The following PCDHGB7 variants were observed in gnomAD, a reference collection of about 807,000 sequenced individuals.
PCDHGB7 encodes the protein protocadherin gamma subfamily B, 7, also known as protocadherin gamma-B7.
PCDHGB7 carries 37 observed loss-of-function variants against 61.4 expected under a neutral mutation model. The observed-to-expected ratio is 0.60, with a 90% CI of 0.46 to 0.79. PCDHGB7 has a LOEUF of 0.79. Among genes scored for constraint, PCDHGB7 ranks in the 30% least tolerant of loss-of-function variants. The probability of loss-of-function intolerance (pLI) is 0.00; values close to 1 mark genes in which losing one functional copy is unlikely to be tolerated. For synonymous variants in PCDHGB7, 464 were observed against 503.5 expected (o/e 0.92, Z 1.05); for missense variants, 1,166 against 1,202.5 (o/e 0.97, Z 0.45).
rs1561857042 is a variant in PCDHGB7, at chr5:141,432,038, C to CG, written c.2415+11768dup. 3 of 1,614,190 alleles carry CG rather than the reference C, an allele frequency of 1.9e-6. No individual in the cohort carries two copies. The highest frequency in any genetic ancestry group is 2.5e-6 in the Non-Finnish European group (3 of 1,180,032). Reference sequence around the variant, plus strand: ...CAACATCACAGTGACCGCCACTGACCGGGGAACCCCGCCCCTATCCACGGA... The same window carrying CG: ...CAACATCACAGTGACCGCCACTGACCGGGGGAACCCCGCCCCTATCCACGGA... On this transcript the variant is annotated intron_variant, in intron 1 of 3. Transcript: ENST00000398594. The surrounding 1 kb of genome is among the most constrained non-coding windows in gnomAD (Gnocchi z 6.0).
intron 1 of PCDHGB7, chr5:141,422,327 T>C (rs1561800795): frequency 1.3e-6 from 2 of 1,548,652 alleles, no homozygotes; most frequent in African/African-American, 2.8e-5. Context: ...GGTACAGTGA[T>C]TGCTCTTCTA....
chr5:141,421,388 G>A (rs369403750), intron 1 of PCDHGB7: 1 of 1,613,934 alleles, frequency 6.2e-7, no homozygotes, highest in Non-Finnish European at 8.5e-7. Context: ...AAGGACCTGG[G>A]GCTGGAGCCC....
intron 1 of PCDHGB7, among the ~76,000 whole-genome samples, chr5:141,445,793 CAG>C (rs1466260011): frequency 6.6e-6 from 1 of 152,132 alleles, no homozygotes; most frequent in Admixed American, 6.5e-5. Context: ...AGGCTAGAAA[CAG>C]AAAATAAATA....
chr5:141,430,615 A>G, intron 1 of PCDHGB7: 1 of 686,990 alleles, frequency 1.5e-6, no homozygotes, highest in Non-Finnish European at 2.2e-6. Context: ...CAAAGCAGAT[A>G]GCTAGGAATG....
In PCDHGB7 at chr5:141,487,774, C is replaced by T. The variant is rs1272776899; in HGVS notation, c.2416-7033C>T. 2.0e-6 allele frequency: 3 copies of T among 1,534,064 alleles called. 1 individual carries two copies. The highest frequency in any genetic ancestry group is 2.6e-6 in the Non-Finnish European group (3 of 1,135,588). On this transcript the variant is annotated intron_variant, in intron 1 of 3. Transcript: ENST00000398594. The surrounding 1 kb of genome is among the most constrained non-coding windows in gnomAD (Gnocchi z 5.0). Reference sequence around the variant, plus strand: ...ATGTGGTAGACGCTGTGCTTTGTAACTGTTTCGTGAATTAACCAGAGTTGT... The same window carrying T: ...ATGTGGTAGACGCTGTGCTTTGTAATTGTTTCGTGAATTAACCAGAGTTGT...
chr5:141,472,268 A>G (rs399559), intron 1 of PCDHGB7, among the ~76,000 whole-genome samples: 152,324 of 152,332 alleles, frequency 1, 76,158 homozygotes, highest in Middle Eastern at 1. Flanking sequence ...ATAGCCGGGC[A>G]CAGTGGCTCA....
rs772962568 is a variant in PCDHGB7, at chr5:141,476,311, G to A, written c.2416-18496G>A. The stretch of plus-strand genomic sequence containing the variant: ...ATCTCGGTAGCCTCTCAGCCCGCAG[G>A]TTCCGGGTGGTGTCTGGAGCTAGCC... On this transcript the variant is annotated intron_variant, in intron 1 of 3. Transcript: ENST00000398594. The surrounding 1 kb of genome is among the most constrained non-coding windows in gnomAD (Gnocchi z 7.6). 13 of 1,613,680 alleles carry A rather than the reference G, an allele frequency of 8.1e-6. No individual in the cohort carries two copies. The African/African-American group carries it at 1.5e-4, about 18-fold the overall frequency.
intron 1 of PCDHGB7, among the ~76,000 whole-genome samples, chr5:141,429,759 C>T (rs1233949322): frequency 6.6e-6 from 1 of 151,946 alleles, no homozygotes; most frequent in East Asian, 1.9e-4. Flanking sequence ...GAATTTTTTC[C>T]CTATATTTTG....
rs73280340 is a variant in PCDHGB7, at chr5:141,473,067, G to A, written c.2416-21740G>A. On this transcript the variant is annotated intron_variant, in intron 1 of 3. Transcript: ENST00000398594. ...GAAAGAAGTGATACAACAAGTTACA[G>A]CATCTTTGTTTATTATCCACTGTGA... Among the ~76,000 whole-genome samples the A allele has an allele frequency of 5.6e-3, 854 of 152,054 alleles. 5 individuals are homozygous for A. The highest frequency in any genetic ancestry group is 0.019 in the African/African-American group (798 of 41,456).
chr5:141,490,106 T>C lies in PCDHGB7; in HGVS notation c.2416-4701T>C, dbSNP rs1314489019. On this transcript the variant is annotated intron_variant, in intron 1 of 3. Coordinates refer to ENST00000398594, the MANE Select transcript of PCDHGB7 (RefSeq NM_018927.4). The surrounding 1 kb of genome is among the most constrained non-coding windows in gnomAD (Gnocchi z 5.4). ...TTTGGAGACCACACATCTGAGGCAG[T>C]GCGGAACCTCTTTGGCCTAGACCCT... 2.5e-6 allele frequency: 4 copies of C among 1,614,246 alleles called. No homozygotes were observed. Among genetic ancestry groups the C allele is most frequent in the South Asian group, 1.1e-5 (1 of 91,086 alleles).
chr5:141,421,477 A>G (rs755936665), intron 1 of PCDHGB7: 23 of 1,614,022 alleles, frequency 1.4e-5, no homozygotes, highest in Non-Finnish European at 1.7e-6. Context: ...GCGAAGCGGC[A>G]GCTTGATCAC....
intron 1 of PCDHGB7, chr5:141,423,880 G>T: frequency 7.8e-7 from 1 of 1,282,292 alleles, no homozygotes; most frequent in Non-Finnish European, 9.9e-7. Flanking sequence ...TTTCAATCTT[G>T]GCATATTTTC....
intron 1 of PCDHGB7, chr5:141,430,452 A>G (rs566189732): frequency 2.0e-3 from 408 of 202,442 alleles, no homozygotes; most frequent in South Asian, 3.8e-3. Context: ...CCTTTTGAAG[A>G]ACAGTAGGTG....
At chr5:141,483,082 C>T (rs2099576709) in intron 1 of PCDHGB7, among the ~76,000 whole-genome samples, 1 of 151,662 alleles carries the variant, frequency 6.6e-6, no homozygotes, top group African/African-American at 2.4e-5. Flanking sequence ...GAGACTCCAT[C>T]TCAAAAAAAA....
chr5:141,419,261 G>A lies in PCDHGB7; in HGVS notation c.1402G>A (p.Gly468Ser), dbSNP rs758952830. 21 of 1,613,864 alleles carry A rather than the reference G, an allele frequency of 1.3e-5. No individual in the cohort carries two copies. Among genetic ancestry groups the A allele is most frequent in the Non-Finnish European group, 1.7e-5 (20 of 1,179,894 alleles). ...LVHVPENNQP[G>S]ASIAQVSASD... Reference sequence around the variant, plus strand: ...CCACGTGCCAGAAAACAACCAGCCGGGTGCCTCCATAGCGCAAGTCAGTGC... The same window carrying A: ...CCACGTGCCAGAAAACAACCAGCCGAGTGCCTCCATAGCGCAAGTCAGTGC... The change falls in exon 1 of 4, where the codon GGT (glycine) becomes AGT (serine). Residue 468 changes from glycine to serine, a missense_variant. Physicochemically the swap from Gly to Ser is moderately conservative, Grantham distance 56. Coordinates refer to ENST00000398594, the MANE Select transcript of PCDHGB7 (RefSeq NM_018927.4).
intron 1 of PCDHGB7, chr5:141,421,270 C>G: frequency 6.2e-7 from 1 of 1,612,094 alleles, no homozygotes; most frequent in Non-Finnish European, 8.5e-7. Context: ...TCGGCTGCTG[C>G]TGCTGCTGTG....
intron 2 of PCDHGB7, among the ~76,000 whole-genome samples, chr5:141,505,177 A>T (rs917485235): frequency 6.6e-6 from 1 of 152,180 alleles, no homozygotes. Context: ...AAAAGAAAAA[A>T]GCATCGGAGG....
intron 1 of PCDHGB7, among the ~76,000 whole-genome samples, chr5:141,482,804 G>T (rs1431490730): frequency 6.6e-6 from 1 of 152,194 alleles, no homozygotes; most frequent in East Asian, 1.9e-4. Flanking sequence ...GGGTACGGTG[G>T]CTCATGCCTG....
chr5:141,421,760 A>G, intron 1 of PCDHGB7: 1 of 1,613,868 alleles, frequency 6.2e-7, no homozygotes, highest in South Asian at 1.1e-5. Context: ...CCTAATAATT[A>G]CTTTTCCTTG....
Sources: gnomAD v4.1 joint callset for allele counts (sites outside exome capture counted in the v4.1 genomes callset) on GRCh38, gnomAD v4.1.1 for gene constraint, Gnocchi (gnomAD v3.1) non-coding constraint, MANE v1.5 for transcripts, NCBI Gene and HGNC (gene_info 2026-07-23, HGNC 2026-07-21) for gene names.